Variants in TSNARE1 observed in about 807,000 individuals in gnomAD.
TSNARE1 encodes t-SNARE domain-containing protein 1.
A neutral mutation model predicts 62.0 loss-of-function variants in TSNARE1; 49 were observed. That is an observed-to-expected ratio of 0.79 (90% CI 0.63 to 1.00). The LOEUF (loss-of-function observed/expected upper bound fraction) is 1.00, where lower values mean the gene tolerates loss of function less well. Ranked by LOEUF, TSNARE1 falls within the 50% of genes least tolerant of loss-of-function variation. The pLI is 0.00. For synonymous variants in TSNARE1, 328 were observed against 294.4 expected, an observed-to-expected ratio of 1.11 and a Z score of -1.17; for missense variants, 755 against 700.1, an observed-to-expected ratio of 1.08 and a Z score of -0.88.
chr8:142,244,873 C>T (rs1031636149), intron 12 of TSNARE1, among the ~76,000 whole-genome samples: 6 of 152,344 alleles, frequency 3.9e-5, no homozygotes, highest in Admixed American at 2.6e-4. Context: ...GCACCTGCAG[C>T]GGAAGGCATC....
chr8:142,339,019 C>A (rs1351056758), intron 4 of TSNARE1, among the ~76,000 whole-genome samples: 1 of 152,108 alleles, frequency 6.6e-6, no homozygotes, highest in Non-Finnish European at 1.5e-5. Flanking sequence ...GCCAGCCCAC[C>A]TCCCACCCTG....
intron 4 of TSNARE1, among the ~76,000 whole-genome samples, chr8:142,342,866 C>T (rs547431912): frequency 1.6e-4 from 25 of 151,990 alleles, no homozygotes; most frequent in African/African-American, 5.8e-4. Flanking sequence ...AGGCAACTTC[C>T]GGACACCTGT....
In TSNARE1 at chr8:142,292,509, G is replaced by A. The variant is rs766282538; in HGVS notation, c.1290+7977C>T. ...GGTGGGTGGCGGGCACAGACAGGGCGGGAGCCACAGGCTAGCTGTGGTGCA... is the reference window on the plus strand; with the variant it reads ...GGTGGGTGGCGGGCACAGACAGGGCAGGAGCCACAGGCTAGCTGTGGTGCA... On this transcript the variant is annotated intron_variant, in intron 10 of 13. Coordinates refer to ENST00000524325, the MANE Select transcript of TSNARE1 (RefSeq NM_145003.5). 5.9e-5 allele frequency among the ~76,000 whole-genome samples: 9 copies of A among 152,154 alleles called. No homozygotes were observed. In the South Asian group the frequency reaches 1.2e-3, roughly 21 times the overall value.
At position 142,284,474 on chromosome 8, in the gene TSNARE1, C is replaced by T. The variant is rs201760929; in HGVS notation, c.1302G>A (p.Leu434=). The T allele has an allele frequency of 2.9e-5, 47 of 1,613,674 alleles. No homozygotes were observed. The South Asian group carries it at 4.9e-4, about 17-fold the overall frequency. ...EAILQMESNL[L]DVNQIIKDLA... ...AGTCCTTGATGATCTGATTCACATC[C>T]AGCAAGTTGCTCTGTGGAAACAACA... The change falls in exon 11 of 14, where the codon CTG becomes CTA. Residue 434 remains leucine, a synonymous_variant. Transcript: ENST00000524325.
At chr8:142,298,177 C>T (rs1022504694) in intron 10 of TSNARE1, among the ~76,000 whole-genome samples, 1 of 152,248 alleles carries the variant, frequency 6.6e-6, no homozygotes, top group Non-Finnish European at 1.5e-5. Context: ...AGAGCCCCAG[C>T]TTTCCTCCCG....
intron 12 of TSNARE1, among the ~76,000 whole-genome samples, chr8:142,260,036 G>T (rs1388050398): frequency 2.0e-5 from 3 of 151,626 alleles, no homozygotes; most frequent in African/African-American, 7.3e-5. Context: ...CCCCCAGCCC[G>T]CCTCTGCTTG....
At chr8:142,221,708 T>TCCACTCAA (rs1816227476) in intron 13 of TSNARE1, among the ~76,000 whole-genome samples, 2 of 124,268 alleles carry the variant, frequency 1.6e-5, no homozygotes, top group Admixed American at 7.8e-5. Context: ...CACTCACTCA[T>TCCACTCAA]CCACTCACTC....
At chr8:142,237,354 G>A (rs1024528068) in intron 12 of TSNARE1, among the ~76,000 whole-genome samples, 12 of 152,348 alleles carry the variant, frequency 7.9e-5, no homozygotes, top group Admixed American at 7.8e-4. Context: ...CCTAAGCTGG[G>A]GTCAATGACT....
intron 11 of TSNARE1, chr8:142,276,268 A>G: frequency 1.0e-6 from 1 of 985,312 alleles, no homozygotes; most frequent in Non-Finnish European, 1.2e-6. Context: ...GACAGCCCCC[A>G]ACTGAACTCT....
At chr8:142,365,939 T>G (rs777600667) in intron 1 of TSNARE1, 29 of 450,258 alleles carry the variant, frequency 6.4e-5, no homozygotes, top group South Asian at 4.5e-4. Context: ...CACTCAAGAC[T>G]GTGCAGCTAC....
At chr8:142,315,611 AGCACGGAGCCGGGGTGGGGCTGGACAC>A (rs1240057819) in intron 7 of TSNARE1, among the ~76,000 whole-genome samples, 159 of 148,852 alleles carry the variant, frequency 1.1e-3, no homozygotes, top group Non-Finnish European at 6.9e-4. Flanking sequence ...GAGCTGGAGA[AGCACGGAGCCGGGGTGGGGCTGGACAC>A]GCACGGAGCC....
In TSNARE1 at chr8:142,354,671, G is replaced by A. The variant is rs891427472; in HGVS notation, c.54C>T (p.Phe18=). 35 of 1,612,958 alleles carry A rather than the reference G, an allele frequency of 2.2e-5. No individual in the cohort carries two copies. The highest frequency in any genetic ancestry group is 4.0e-5 in the African/African-American group (3 of 74,748). ...RGGGLGSRGP[F]GGPSRQGCQP... ...GACAGCCTTGTCTCGAAGGTCCCCC[G>A]AAAGGGCCACGGCTCCCCAGGCCAC... The change falls in exon 2 of 14, where the codon TTC becomes TTT. Residue 18 remains phenylalanine, a synonymous_variant. Coordinates refer to ENST00000524325, the MANE Select transcript of TSNARE1 (RefSeq NM_145003.5).
chr8:142,311,141 C>T (rs1228022898), intron 9 of TSNARE1, among the ~76,000 whole-genome samples: 1 of 150,968 alleles, frequency 6.6e-6, no homozygotes, highest in Non-Finnish European at 1.5e-5. Context: ...TGAGCCACTG[C>T]ACCCAGCCAA....
intron 9 of TSNARE1, among the ~76,000 whole-genome samples, chr8:142,313,362 TTATC>T (rs976465535): frequency 6.0e-5 from 9 of 149,918 alleles, no homozygotes; most frequent in Non-Finnish European, 1.5e-5. Context: ...ACATGTCTCT[TTATC>T]TGTATGTGTC....
chr8:142,280,155 C>CA, intron 11 of TSNARE1: 1 of 985,446 alleles, frequency 1.0e-6, no homozygotes, highest in Non-Finnish European at 1.2e-6. Flanking sequence ...GCACCCTCTG[C>CA]ACCAGCACCT....
intron 12 of TSNARE1, among the ~76,000 whole-genome samples, chr8:142,256,608 T>TGATCACCAC (rs1424982277): frequency 7.0e-6 from 1 of 141,864 alleles, no homozygotes; most frequent in Non-Finnish European, 1.5e-5. Flanking sequence ...ATCATCACCA[T>TGATCACCAC]CATCACCACC....
chr8:142,299,499 A>G (rs1825319625), intron 10 of TSNARE1, among the ~76,000 whole-genome samples: 3 of 152,256 alleles, frequency 2.0e-5, no homozygotes, highest in Admixed American at 1.3e-4. Flanking sequence ...GGTCACACGC[A>G]GAGGCTCGGA....
intron 1 of TSNARE1, among the ~76,000 whole-genome samples, chr8:142,400,274 G>C (rs529243458): frequency 6.6e-6 from 1 of 151,882 alleles, no homozygotes; most frequent in African/African-American, 2.4e-5. Flanking sequence ...GTGAAACCCC[G>C]TCTCTATTTA....
intron 10 of TSNARE1, among the ~76,000 whole-genome samples, chr8:142,298,660 T>G (rs1196063006): frequency 6.6e-6 from 1 of 152,170 alleles, no homozygotes; most frequent in Non-Finnish European, 1.5e-5. Context: ...AATGAGCTTC[T>G]GTGAGCGACC....
Sources: gnomAD v4.1 joint callset for allele counts (sites outside exome capture counted in the v4.1 genomes callset) on GRCh38, gnomAD v4.1.1 for gene constraint, MANE v1.5 for transcripts, NCBI Gene and HGNC (gene_info 2026-07-23, HGNC 2026-07-21) for gene names.